Variants in BDP1 observed in about 807,000 individuals in gnomAD.
BDP1 encodes the protein BDP1 general transcription factor IIIB subunit.
BDP1 carries 169 observed loss-of-function variants against 266.6 expected under a neutral mutation model. The ratio of observed to expected loss-of-function variants is 0.63; its 90% CI spans 0.56 to 0.72. BDP1 has a LOEUF of 0.72. BDP1 is among the 30% of genes least tolerant of loss of function. BDP1 has a pLI of 0.00. For missense variants in BDP1, 3,015 were observed against 3,053.8 expected, an observed-to-expected ratio of 0.99 and a Z score of 0.30; for synonymous variants, 1,090 against 1,022.4, an observed-to-expected ratio of 1.07 and a Z score of -1.26.
At chr5:71,516,001 C>G in intron 20 of BDP1, 60 bp from the exon 21 acceptor site, 3 of 1,234,234 alleles carry the variant, frequency 2.4e-6, no homozygotes, top group Admixed American at 2.5e-5. Flanking sequence ...TACATTTTTA[C>G]ATTAGTTTTC....
At position 71,548,721 on chromosome 5, in the gene BDP1, A is replaced by G; in HGVS notation, c.6784A>G (p.Ile2262Val). The G allele has an allele frequency of 6.2e-7, 1 of 1,606,788 alleles. No individual in the cohort carries two copies. Among genetic ancestry groups the G allele is most frequent in the East Asian group, 2.2e-5 (1 of 44,772 alleles). ...TATTCCAGAAGTCCAACAAGAGAAT[A>G]TAATCAATCCTCAAGACCTAACAGG... ...TSIPEVQQEN[I>V]INPQDLTVNL... is the part of the protein sequence containing the mutation. The change falls in exon 33 of 39, where the codon ATA (isoleucine) becomes GTA (valine). Residue 2262 changes from isoleucine (I) to valine (V), a missense_variant. Coordinates refer to ENST00000358731, the MANE Select transcript of BDP1 (RefSeq NM_018429.3).
At chr5:71,525,340 C>T (rs1184650876) in intron 25 of BDP1, among the ~76,000 whole-genome samples, 73 of 143,214 alleles carry the variant, frequency 5.1e-4, no homozygotes, top group African/African-American at 1.8e-3. Flanking sequence ...TAGGGGCGGC[C>T]GGGCAGAGGC....
chr5:71,488,049 C>T (rs1029896097), intron 9 of BDP1, among the ~76,000 whole-genome samples: 6 of 151,912 alleles, frequency 3.9e-5, no homozygotes, highest in African/African-American at 1.5e-4. Context: ...TTTTTACTTA[C>T]ACATAATCGT....
chr5:71,458,986 TC>T, intron 2 of BDP1, 131 bp downstream of exon 2: 1 of 790,086 alleles, frequency 1.3e-6, no homozygotes, highest in Non-Finnish European at 2.0e-6. Context: ...CAATAGAACA[TC>T]CCTTCTTGTT....
At chr5:71,571,677 C>T (rs974156374), downstream of BDP1, among the ~76,000 whole-genome samples, 2 of 151,886 alleles carry the variant, frequency 1.3e-5, no homozygotes, top group East Asian at 1.9e-4. Flanking sequence ...TCTTGTTGCC[C>T]AGGCTGGAGG....
intron 31 of BDP1, 26 bp downstream of exon 31, chr5:71,544,533 T>C (rs1399805970): frequency 6.3e-7 from 1 of 1,597,518 alleles, no homozygotes; most frequent in Admixed American, 1.8e-5. Context: ...GGTTCTGAGA[T>C]TCAGTTTATA....
intron 21 of BDP1, among the ~76,000 whole-genome samples, chr5:71,517,119 C>T (rs1026639659): frequency 6.6e-6 from 1 of 152,104 alleles, no homozygotes; most frequent in African/African-American, 2.4e-5. Flanking sequence ...CCCAGTTACT[C>T]AGGAGGCTGA....
intron 32 of BDP1, among the ~76,000 whole-genome samples, chr5:71,547,829 T>A (rs1215788658): frequency 6.6e-6 from 1 of 152,006 alleles, no homozygotes; most frequent in Non-Finnish European, 1.5e-5. Flanking sequence ...GTGCCTGTAG[T>A]CCCAGCTACT....
At chr5:71,476,379 G>C (rs561374527) in intron 7 of BDP1, 2 of 152,134 alleles carry the variant, frequency 1.3e-5, no homozygotes, top group South Asian at 4.1e-4. Context: ...CATAGAGTAC[G>C]GTCTGGAAGG....
intron 34 of BDP1, among the ~76,000 whole-genome samples, chr5:71,550,853 G>A (rs973315839): frequency 1.3e-5 from 2 of 151,848 alleles, no homozygotes; most frequent in African/African-American, 2.4e-5. Context: ...CTATAGGTGC[G>A]TGCCACCACA....
Position 71,522,670 on chromosome 5 carries a change from T to G in BDP1, c.5194-86T>G, listed in dbSNP as rs1372802095. 1.4e-5 allele frequency: 19 copies of G among 1,335,950 alleles called. 1 individual carries two copies. The highest frequency in any genetic ancestry group is 1.3e-4 in the African/African-American group (9 of 68,056). 82.8% of individuals were successfully genotyped at this position (1,335,950 alleles called of 1,614,324 possible). A position where few individuals can be genotyped will look rare whatever the true frequency, so the allele number is the denominator to read the frequency against. Reference sequence around the variant, plus strand: ...CAACTGCTTGTAGATATGTGTAAACTTAGAGGTTTAGGCCAAACTACCAAA... The same window carrying G: ...CAACTGCTTGTAGATATGTGTAAACGTAGAGGTTTAGGCCAAACTACCAAA... On this transcript the variant is annotated intron_variant, in intron 23 of 38. Transcript: ENST00000358731.
chr5:71,474,707 T>TGTG (rs369855563), intron 7 of BDP1, among the ~76,000 whole-genome samples: 3,723 of 151,878 alleles, frequency 0.025, 71 homozygotes, highest in South Asian at 0.073. Flanking sequence ...ATTAGCCAGG[T>TGTG]GTGGTGGCAG....
chr5:71,456,141 G>C, intron 1 of BDP1, 52 bp downstream of exon 1: 1 of 1,539,272 alleles, frequency 6.5e-7, no homozygotes, highest in Non-Finnish European at 8.9e-7. Flanking sequence ...CTCCGGGCAT[G>C]TCACCTGGAA....
intron 16 of BDP1, among the ~76,000 whole-genome samples, chr5:71,505,226 C>T (rs1040323762): frequency 1.3e-5 from 2 of 152,008 alleles, no homozygotes; most frequent in African/African-American, 2.4e-5. Flanking sequence ...AGGCTGGTCT[C>T]GAACTCCTGA....
intron 37 of BDP1, among the ~76,000 whole-genome samples, chr5:71,560,481 A>AT (rs920630216): frequency 6.6e-6 from 1 of 152,190 alleles, no homozygotes; most frequent in African/African-American, 2.4e-5. Context: ...TTGTACACTT[A>AT]TTTTTTTAGA....
intron 31 of BDP1, among the ~76,000 whole-genome samples, 188 bp downstream of exon 31, chr5:71,544,695 C>T (rs565305127): frequency 5.7e-4 from 87 of 151,858 alleles, no homozygotes; most frequent in African/African-American, 1.9e-3. Context: ...CTGGCTAACA[C>T]GGTGAAACCC....
chr5:71,545,669 A>G (rs73122776), intron 32 of BDP1, among the ~76,000 whole-genome samples: 2,877 of 152,196 alleles, frequency 0.019, 86 homozygotes, highest in African/African-American at 0.066. Flanking sequence ...TCAGGTTTTT[A>G]TAACTATGCA....
chr5:71,471,174 G>A (rs13153636), intron 7 of BDP1, among the ~76,000 whole-genome samples: 61,381 of 132,248 alleles, frequency 0.46, 13,940 homozygotes, highest in South Asian at 0.55. Context: ...ATGGAGTCTC[G>A]CTCTGTTGCC....
chr5:71,520,126 C>T (rs2150501001), intron 22 of BDP1, among the ~76,000 whole-genome samples: 2 of 152,216 alleles, frequency 1.3e-5, no homozygotes, highest in East Asian at 3.9e-4. Context: ...ACTGTCTGTT[C>T]TCTTTTGCCT....
Sources: gnomAD v4.1 joint callset for allele counts (sites outside exome capture counted in the v4.1 genomes callset) on GRCh38, gnomAD v4.1.1 for gene constraint, MANE v1.5 for transcripts, NCBI Gene and HGNC (gene_info 2026-07-23, HGNC 2026-07-21) for gene names.